Variants in TYW1B observed in about 807,000 individuals in gnomAD.
The protein encoded by TYW1B is tRNA-yW synthesizing protein 1 homolog B, also known as S-adenosyl-L-methionine-dependent tRNA 4-demethylwyosine synthase TYW1B.
TYW1B carries 73 observed loss-of-function variants against 86.9 expected under a neutral mutation model. The ratio of observed to expected loss-of-function variants is 0.84; its 90% CI spans 0.70 to 1.02. The LOEUF (loss-of-function observed/expected upper bound fraction) is 1.02, where lower values mean the gene tolerates loss of function less well. Ranked by LOEUF, TYW1B falls within the 50% of genes least tolerant of loss-of-function variation. The pLI is 0.00. For missense variants in TYW1B, 637 were observed against 827.4 expected (o/e 0.77, Z 2.82); for synonymous variants, 248 against 292.8 (o/e 0.85, Z 1.56).
chr7:72,590,488 T>C (rs1292278060), intron 13 of TYW1B, among the ~76,000 whole-genome samples: 1 of 152,150 alleles, frequency 6.6e-6, no homozygotes, highest in African/African-American at 2.4e-5. Flanking sequence ...CTTTCACTTT[T>C]CTCTTTCCCA....
intron 6 of TYW1B, among the ~76,000 whole-genome samples, chr7:72,788,834 CAT>C (rs1164752046): frequency 1.3e-5 from 2 of 149,638 alleles, no homozygotes; most frequent in Non-Finnish European, 3.0e-5. Context: ...TGCCCGGCCA[CAT>C]GTTTGTATTT....
rs149513137 is a variant in TYW1B at position 72,612,465 on chromosome 7, T to C, written c.1785+4207A>G. Among the ~76,000 whole-genome samples, 772 of 152,344 alleles carry C rather than the reference T, an allele frequency of 5.1e-3. 13 individuals carry two copies. Among genetic ancestry groups the C allele is most frequent in the African/African-American group, 0.017 (715 of 41,580 alleles). ...TCAGGCAGGAACCATCAATAAGTGC[T>C]AAGTCAATGGGGAAACTTTGGTAAG... On this transcript the variant is annotated intron_variant, in intron 13 of 13. Coordinates refer to ENST00000620995, the MANE Select transcript of TYW1B (RefSeq NM_001145440.3).
chr7:72,817,130 G>A (rs1307868259), intron 2 of TYW1B, among the ~76,000 whole-genome samples: 2 of 152,128 alleles, frequency 1.3e-5, no homozygotes, highest in Non-Finnish European at 2.9e-5. Flanking sequence ...TTGGCCGGGC[G>A]TGGTGGCTCA....
At chr7:72,604,898 C>G (rs1811757945) in intron 13 of TYW1B, among the ~76,000 whole-genome samples, 1 of 152,126 alleles carries the variant, frequency 6.6e-6, no homozygotes, top group African/African-American at 2.4e-5. Context: ...CTGCTCAAAG[C>G]CAAGGTCATT....
chr7:72,784,566 C>G (rs1169328919), intron 6 of TYW1B, among the ~76,000 whole-genome samples: 3 of 152,160 alleles, frequency 2.0e-5, no homozygotes, highest in African/African-American at 7.2e-5. Context: ...GGCGCAATCT[C>G]GGCTCACTGA....
At position 72,704,353 on chromosome 7, in the gene TYW1B, G is replaced by C. The variant is rs551686938; in HGVS notation, c.1370+9268C>G. Among the ~76,000 whole-genome samples, 335 of 148,408 alleles carry C rather than the reference G, an allele frequency of 2.3e-3. 2 individuals carry two copies. Among genetic ancestry groups the C allele is most frequent in the African/African-American group, 7.7e-3 (311 of 40,304 alleles). On this transcript the variant is annotated intron_variant, in intron 10 of 13. Coordinates refer to ENST00000620995, the MANE Select transcript of TYW1B (RefSeq NM_001145440.3). Reference sequence around the variant, plus strand: ...GGAGGCTGAGGCACGAGAATTGCTTGAACCTGGGAGGTGGAGGTTGTAGTG... The same window carrying C: ...GGAGGCTGAGGCACGAGAATTGCTTCAACCTGGGAGGTGGAGGTTGTAGTG...
At chr7:72,634,363 T>TC (rs1812618533) in intron 11 of TYW1B, among the ~76,000 whole-genome samples, 2 of 145,504 alleles carry the variant, frequency 1.4e-5, no homozygotes, top group Non-Finnish European at 1.5e-5. Flanking sequence ...TTTCTTTTTT[T>TC]TTTTCTGTAG....
intron 5 of TYW1B, among the ~76,000 whole-genome samples, chr7:72,802,901 G>A (rs1554476063): frequency 1.3e-5 from 2 of 152,000 alleles, no homozygotes; most frequent in Admixed American, 6.6e-5. Context: ...GATTACAGGC[G>A]TCAACAACAG....
intron 11 of TYW1B, among the ~76,000 whole-genome samples, chr7:72,665,049 T>A (rs1813428932): frequency 6.6e-6 from 1 of 152,216 alleles, no homozygotes; most frequent in Non-Finnish European, 1.5e-5. Flanking sequence ...GTTGGTTGAA[T>A]CTGCAAGGAC....
At chr7:72,668,202 T>C (rs188752715) in intron 11 of TYW1B, among the ~76,000 whole-genome samples, 1 of 152,240 alleles carries the variant, frequency 6.6e-6, no homozygotes, top group Non-Finnish European at 1.5e-5. Flanking sequence ...AGATTTTGTT[T>C]GTTTTCAGTG....
chr7:72,824,356 T>C (rs1788891098), intron 2 of TYW1B, among the ~76,000 whole-genome samples: 2 of 152,148 alleles, frequency 1.3e-5, no homozygotes, highest in South Asian at 4.1e-4. Context: ...ATCTCAGCAC[T>C]TTGAGGGCCA....
intron 6 of TYW1B, among the ~76,000 whole-genome samples, chr7:72,797,101 C>G (rs1554474597): frequency 6.6e-6 from 1 of 152,146 alleles, no homozygotes. Context: ...GCCACCACAC[C>G]CAGCCATATA....
chr7:72,666,398 C>G (rs1158642851), intron 11 of TYW1B, among the ~76,000 whole-genome samples: 1 of 152,202 alleles, frequency 6.6e-6, no homozygotes, highest in African/African-American at 2.4e-5. Flanking sequence ...TATGCTCCAG[C>G]CTGGGCAACA....
At chr7:72,791,890 G>A (rs1403924028) in intron 6 of TYW1B, among the ~76,000 whole-genome samples, 2 of 152,096 alleles carry the variant, frequency 1.3e-5, no homozygotes, top group South Asian at 4.1e-4. Context: ...AAGCTTTCAG[G>A]GAGCTCTGTG....
chr7:72,816,143 G>A (rs1358458138), intron 2 of TYW1B, among the ~76,000 whole-genome samples: 2 of 152,174 alleles, frequency 1.3e-5, no homozygotes, highest in Admixed American at 6.6e-5. Flanking sequence ...TTGGGAGGCC[G>A]ATGCGGCTGG....
At chr7:72,592,635 A>G (rs1554431722) in intron 13 of TYW1B, among the ~76,000 whole-genome samples, 2 of 152,232 alleles carry the variant, frequency 1.3e-5, no homozygotes, top group Non-Finnish European at 2.9e-5. Context: ...ATCCCATTCT[A>G]TGCTATCTAC....
rs1585976153 is a variant in TYW1B at position 72,777,275 on chromosome 7, A to C, written c.964+141T>G. The C allele has an allele frequency of 2.4e-5, 24 of 997,208 alleles. No individual in the cohort carries two copies. The East Asian group carries it at 6.1e-4, about 26-fold the overall frequency. 61.8% of individuals were successfully genotyped at this position (997,208 alleles called of 1,614,324 possible). On this transcript the variant is annotated intron_variant, in intron 7 of 13. Transcript: ENST00000620995. ...GCAGCCAACAGAAGCGATCCACAGA[A>C]GTAAGAAGGTAAATCTTTAGACTGT...
At chr7:72,700,379 T>C (rs1554452294) in intron 10 of TYW1B, among the ~76,000 whole-genome samples, 2 of 151,750 alleles carry the variant, frequency 1.3e-5, no homozygotes, top group Non-Finnish European at 2.9e-5. Flanking sequence ...TTTCGCCACA[T>C]TGGCCAGGCT....
At position 72,574,679 on chromosome 7, in the gene TYW1B, A is replaced by T; in HGVS notation, c.*819T>A. The T allele has an allele frequency of 1.0e-6, 1 of 985,458 alleles. No individual in the cohort carries two copies. The highest frequency in any genetic ancestry group is 1.2e-6 in the Non-Finnish European group (1 of 829,942). 61.0% of individuals were successfully genotyped at this position (985,458 alleles called of 1,614,324 possible). A position where few individuals can be genotyped will look rare whatever the true frequency, so the allele number is the denominator to read the frequency against. The stretch of plus-strand genomic sequence containing the variant: ...CAGCGAGGGCCACAGGAGTCAAAGA[A>T]GATGGAGACCCGCCGTCTGGTCGTG... On this transcript the variant is annotated 3_prime_UTR_variant, in exon 14 of 14. Transcript: ENST00000620995.
Sources: gnomAD v4.1 joint callset for allele counts (sites outside exome capture counted in the v4.1 genomes callset) on GRCh38, gnomAD v4.1.1 for gene constraint, MANE v1.5 for transcripts, NCBI Gene and HGNC (gene_info 2026-07-23, HGNC 2026-07-21) for gene names.